The following MAPK8 variants were observed in gnomAD, a reference collection of about 807,000 sequenced individuals.
MAPK8 encodes the protein mitogen-activated protein kinase 8.
A neutral mutation model predicts 52.9 loss-of-function variants in MAPK8; 13 were observed. That is an observed-to-expected ratio of 0.25 (90% CI 0.16 to 0.39). The LOEUF is 0.39. MAPK8 is among the 10% of genes least tolerant of loss of function. The pLI is 1.00. For synonymous variants in MAPK8, 191 were observed against 169.8 expected (o/e 1.12, Z -0.97); for missense variants, 300 against 519.2 (o/e 0.58, Z 4.10).
At chr10:48,312,004 C>T (rs1386412432) in intron 1 of MAPK8, among the ~76,000 whole-genome samples, 5 of 152,192 alleles carry the variant, frequency 3.3e-5, no homozygotes, top group African/African-American at 7.2e-5. Flanking sequence ...TAAGGATTAA[C>T]GTAAGCACAT....
chr10:48,333,127 T>C (rs1486942569), intron 1 of MAPK8, among the ~76,000 whole-genome samples: 1 of 152,234 alleles, frequency 6.6e-6, no homozygotes, highest in Non-Finnish European at 1.5e-5. Context: ...TATTCTATGA[T>C]ACCTAAGCAG....
chr10:48,432,079 C>T lies in MAPK8; in HGVS notation c.1138+809C>T, dbSNP rs185537198. Among the ~76,000 whole-genome samples the T allele has an allele frequency of 2.8e-3, 421 of 152,248 alleles. 2 individuals carry two copies. Among genetic ancestry groups the T allele is most frequent in the African/African-American group, 8.2e-3 (339 of 41,546 alleles). ...TTTTTTCAGCCTCCCATTTTGTTAT[C>T]TGGCTGGCAACAGAGACTTCTCTGG... On this transcript the variant is annotated intron_variant, in intron 11 of 11. Coordinates refer to ENST00000374189, the MANE Select transcript of MAPK8 (RefSeq NM_001323329.2).
At chr10:48,310,246 T>C (rs1467561673) in intron 1 of MAPK8, among the ~76,000 whole-genome samples, 1 of 152,198 alleles carries the variant, frequency 6.6e-6, no homozygotes, top group Non-Finnish European at 1.5e-5. Context: ...GTCAGAACTT[T>C]TTTTTATAGA....
At chr10:48,360,919 T>G (rs1223400625) in intron 1 of MAPK8, among the ~76,000 whole-genome samples, 1 of 152,162 alleles carries the variant, frequency 6.6e-6, no homozygotes, top group African/African-American at 2.4e-5. Context: ...ATGGATACAC[T>G]GGTGTTCATT....
intron 1 of MAPK8, among the ~76,000 whole-genome samples, chr10:48,322,967 A>G (rs1843134939): frequency 6.6e-6 from 1 of 152,194 alleles, no homozygotes; most frequent in Non-Finnish European, 1.5e-5. Context: ...TGAATTATCT[A>G]GTTCACCATT....
intron 1 of MAPK8, among the ~76,000 whole-genome samples, chr10:48,367,797 A>G (rs1848194396): frequency 6.6e-6 from 1 of 152,224 alleles, no homozygotes; most frequent in Non-Finnish European, 1.5e-5. Flanking sequence ...TCTTGGCCTT[A>G]TATAATGGCA....
At chr10:48,409,444 T>A (rs1040052446) in intron 3 of MAPK8, among the ~76,000 whole-genome samples, 23 of 152,182 alleles carry the variant, frequency 1.5e-4, no homozygotes, top group African/African-American at 5.3e-4. Context: ...AGGGATATGC[T>A]TATGGATGAA....
rs1359564006 is a variant in MAPK8 at position 48,438,102 on chromosome 10, A to T, written c.*3073A>T. On this transcript the variant is annotated 3_prime_UTR_variant, in exon 12 of 12. Coordinates refer to ENST00000374189, the MANE Select transcript of MAPK8 (RefSeq NM_001323329.2). The stretch of plus-strand genomic sequence containing the variant: ...ACATTTTGAGGTTAGAACATAGAAT[A>T]TTTTCAGAAATACTGTTGTAGTTTG... 3 of 152,230 alleles carry T rather than the reference A, an allele frequency of 2.0e-5. No homozygotes were observed. The highest frequency in any genetic ancestry group is 4.4e-5 in the Non-Finnish European group (3 of 68,042). 9.4% of individuals were successfully genotyped at this position (152,230 alleles called of 1,614,324 possible).
chr10:48,347,830 C>T (rs1447158375), intron 1 of MAPK8, among the ~76,000 whole-genome samples: 1 of 152,156 alleles, frequency 6.6e-6, no homozygotes, highest in African/African-American at 2.4e-5. Flanking sequence ...CCAGTCTTTG[C>T]TGTTGTGAAC....
In MAPK8 at chr10:48,356,473, A is replaced by T. The variant is rs79683533; in HGVS notation, c.-49-45139A>T. Among the ~76,000 whole-genome samples, 91 of 152,342 alleles carry T rather than the reference A, an allele frequency of 6.0e-4. No individual in the cohort carries two copies. The East Asian group carries it at 0.015, about 25-fold the overall frequency. ...AAACAACGTGATGGATATAAATCCAAATATATCATTAACTACATTAAATGT... is the reference window on the plus strand; with the variant it reads ...AAACAACGTGATGGATATAAATCCATATATATCATTAACTACATTAAATGT... On this transcript the variant is annotated intron_variant, in intron 1 of 11. Coordinates refer to ENST00000374189, the MANE Select transcript of MAPK8 (RefSeq NM_001323329.2).
chr10:48,337,709 C>A (rs1467120215), intron 1 of MAPK8, among the ~76,000 whole-genome samples: 2 of 152,016 alleles, frequency 1.3e-5, no homozygotes, highest in East Asian at 3.8e-4. Flanking sequence ...AGACTGCCAG[C>A]TAGATGAACC....
At chr10:48,389,537 A>G (rs567293196) in intron 1 of MAPK8, among the ~76,000 whole-genome samples, 1 of 152,334 alleles carries the variant, frequency 6.6e-6, no homozygotes, top group South Asian at 2.1e-4. Context: ...ATAAACAGCA[A>G]TAACAAGATT....
At chr10:48,315,629 CT>C (rs1842426188) in intron 1 of MAPK8, among the ~76,000 whole-genome samples, 1 of 140,852 alleles carries the variant, frequency 7.1e-6, no homozygotes, top group African/African-American at 2.6e-5. Context: ...GAAATGGCAT[CT>C]TTTTTTCCAC....
At chr10:48,363,538 G>C (rs901488667) in intron 1 of MAPK8, among the ~76,000 whole-genome samples, 1 of 151,968 alleles carries the variant, frequency 6.6e-6, no homozygotes, top group African/African-American at 2.4e-5. Flanking sequence ...AAAATTTGTC[G>C]TCATTGTATT....
intron 1 of MAPK8, among the ~76,000 whole-genome samples, chr10:48,399,633 G>A (rs2042058394): frequency 6.6e-6 from 1 of 152,118 alleles, no homozygotes; most frequent in African/African-American, 2.4e-5. Context: ...CATGTTCCTG[G>A]ATCTACTCAA....
chr10:48,334,993 A>G (rs921626872), intron 1 of MAPK8, among the ~76,000 whole-genome samples: 1 of 151,912 alleles, frequency 6.6e-6, no homozygotes, highest in Non-Finnish European at 1.5e-5. Flanking sequence ...CCCCTTCCTC[A>G]CTTAAGTTTC....
intron 1 of MAPK8, among the ~76,000 whole-genome samples, chr10:48,372,750 G>A (rs969392172): frequency 6.6e-6 from 1 of 151,962 alleles, no homozygotes; most frequent in Non-Finnish European, 1.5e-5. Flanking sequence ...CCAAATCTAC[G>A]TTTGATTGGT....
chr10:48,339,777 C>T (rs1382923844), intron 1 of MAPK8, among the ~76,000 whole-genome samples: 3 of 152,054 alleles, frequency 2.0e-5, no homozygotes, highest in Admixed American at 6.5e-5. Context: ...AGAAGACATA[C>T]GAGTGGCGAA....
intron 1 of MAPK8, among the ~76,000 whole-genome samples, chr10:48,328,680 C>T (rs181555185): frequency 1.2e-3 from 185 of 152,290 alleles, no homozygotes; most frequent in African/African-American, 4.1e-3. Flanking sequence ...TCAACAAGAG[C>T]AACTGAGGTG....
Sources: gnomAD v4.1 joint callset for allele counts (sites outside exome capture counted in the v4.1 genomes callset) on GRCh38, gnomAD v4.1.1 for gene constraint, MANE v1.5 for transcripts, NCBI Gene and HGNC (gene_info 2026-07-23, HGNC 2026-07-21) for gene names.